HERC3: variants seen among roughly 807,000 people sequenced by gnomAD.
The protein encoded by HERC3 is probable E3 ubiquitin-protein ligase HERC3.
In HERC3, 58 loss-of-function variants were observed where a neutral mutation model predicts 129.9. That is an observed-to-expected ratio of 0.45 (90% CI 0.36 to 0.56). The LOEUF (loss-of-function observed/expected upper bound fraction) is 0.56, where lower values mean the gene tolerates loss of function less well. Among genes scored for constraint, HERC3 ranks in the 20% least tolerant of loss-of-function variants. The pLI is 0.00. For missense variants in HERC3, 835 were observed against 1,244.2 expected, an observed-to-expected ratio of 0.67 and a Z score of 4.95; for synonymous variants, 430 against 451.0, an observed-to-expected ratio of 0.95 and a Z score of 0.59.
intron 2 of HERC3, among the ~76,000 whole-genome samples, chr4:88,602,508 C>A (rs1451249793): frequency 6.6e-6 from 1 of 151,692 alleles, no homozygotes; most frequent in East Asian, 1.9e-4. Context: ...AGATGGGTCT[C>A]GCTCTATTAC....
At chr4:88,676,115 G>A (rs1202866401) in intron 16 of HERC3, 103 bp from the exon 17 acceptor site, 2 of 823,502 alleles carry the variant, frequency 2.4e-6, no homozygotes, top group Non-Finnish European at 3.9e-6. Flanking sequence ...ATGGCCAGTA[G>A]TCAGATTGGT....
intron 3 of HERC3, among the ~76,000 whole-genome samples, chr4:88,618,104 C>G (rs1725121984): frequency 1.3e-5 from 2 of 152,232 alleles, no homozygotes; most frequent in South Asian, 4.1e-4. Context: ...AGGCACAAAT[C>G]ATGTTCTCCT....
In HERC3 at chr4:88,655,880, A is replaced by T; in HGVS notation, c.914A>T (p.His305Leu). 1 of 1,611,368 alleles carries T rather than the reference A, an allele frequency of 6.2e-7. No individual in the cohort carries two copies. The highest frequency in any genetic ancestry group is 1.3e-5 in the African/African-American group (1 of 74,976). The change falls in exon 9 of 26, where the codon CAT becomes CTT. Residue 305 changes from histidine (H) to leucine (L), a missense_variant. His to Leu is a moderately conservative substitution (Grantham distance 99). Coordinates refer to ENST00000402738, the MANE Select transcript of HERC3 (RefSeq NM_014606.3). ...EVTQIACGRQ[H>L]TLAFVPSSGL... ...GTTAAATTATTTTTTCACAGACAACATACCCTAGCCTTCGTGCCTTCTTCT... is the reference window on the plus strand; with the variant it reads ...GTTAAATTATTTTTTCACAGACAACTTACCCTAGCCTTCGTGCCTTCTTCT...
intron 3 of HERC3, among the ~76,000 whole-genome samples, chr4:88,627,951 C>T (rs1056287137): frequency 3.3e-5 from 5 of 149,940 alleles, no homozygotes; most frequent in Non-Finnish European, 5.9e-5. Flanking sequence ...ATTTGTTTTA[C>T]GGCCCAGAAT....
chr4:88,529,847 AAGT>A, the HERC3 span, among the ~76,000 whole-genome samples: 1 of 152,242 alleles, frequency 6.6e-6, no homozygotes. Flanking sequence ...TTATTTAATA[AAGT>A]AGTTTTAAAA....
intron 3 of HERC3, among the ~76,000 whole-genome samples, chr4:88,642,674 A>G (rs998521340): frequency 6.6e-5 from 10 of 152,144 alleles, no homozygotes; most frequent in African/African-American, 9.7e-5. Flanking sequence ...CCAGCCCTCT[A>G]TGGTCTCTTT....
At chr4:88,697,962 C>T (rs1734841706) in intron 23 of HERC3, 7 of 652,444 alleles carry the variant, frequency 1.1e-5, no homozygotes, top group African/African-American at 1.8e-5. Context: ...GCACCAGATT[C>T]CTCCTGTTGC....
intron 2 of HERC3, among the ~76,000 whole-genome samples, chr4:88,599,171 C>G (rs1240952635): frequency 6.6e-6 from 1 of 152,144 alleles, no homozygotes; most frequent in East Asian, 1.9e-4. Context: ...TTTAGGGGTC[C>G]AACTGGAGTG....
intron 3 of HERC3, among the ~76,000 whole-genome samples, chr4:88,626,063 G>C (rs1189329652): frequency 1.3e-5 from 2 of 152,020 alleles, no homozygotes; most frequent in Non-Finnish European, 2.9e-5. Context: ...GTGCATCTCT[G>C]TTTATGAGGC....
At chr4:88,688,384 G>A (rs963816384) in intron 23 of HERC3, among the ~76,000 whole-genome samples, 5 of 152,100 alleles carry the variant, frequency 3.3e-5, no homozygotes, top group Admixed American at 3.3e-4. Flanking sequence ...GGGGTCCTGT[G>A]GAAATAGACC....
chr4:88,648,871 C>T (rs1252213783), intron 3 of HERC3, among the ~76,000 whole-genome samples: 1 of 150,898 alleles, frequency 6.6e-6, no homozygotes, highest in Non-Finnish European at 1.5e-5. Flanking sequence ...AAAATCTCTT[C>T]ATTTCTAACT....
chr4:88,700,403 T>C (rs1013590874), intron 23 of HERC3, among the ~76,000 whole-genome samples: 4 of 152,144 alleles, frequency 2.6e-5, no homozygotes, highest in Non-Finnish European at 4.4e-5. Context: ...TGTTTAGTGT[T>C]GCTAAAAAGG....
At chr4:88,649,415 T>TG (rs1729036155) in intron 3 of HERC3, among the ~76,000 whole-genome samples, 1 of 152,154 alleles carries the variant, frequency 6.6e-6, no homozygotes, top group South Asian at 2.1e-4. Flanking sequence ...TGTGTTTGTA[T>TG]GTGGGGGGAG....
rs779853304 is a variant in HERC3 at position 88,649,799 on chromosome 4, T to G, written c.227-41T>G. The G allele has an allele frequency of 7.6e-6, 12 of 1,585,452 alleles. No homozygotes were observed. The Admixed American group carries it at 1.7e-4, about 22-fold the overall frequency. On this transcript the variant is annotated intron_variant, in intron 3 of 25. Transcript: ENST00000402738. ...GTGTAATGGTAGCAGTATTCCTGTTTCTGGGTTGTACATTTTCCTCCTCCA... is the reference window on the plus strand; with the variant it reads ...GTGTAATGGTAGCAGTATTCCTGTTGCTGGGTTGTACATTTTCCTCCTCCA...
At chr4:88,605,481 A>G (rs1723526601) in intron 2 of HERC3, among the ~76,000 whole-genome samples, 2 of 152,246 alleles carry the variant, frequency 1.3e-5, no homozygotes, top group Admixed American at 1.3e-4. Context: ...TGGTTTGCCA[A>G]GATTGTTTCA....
At chr4:88,600,521 G>T (rs1722861922) in intron 2 of HERC3, among the ~76,000 whole-genome samples, 2 of 152,178 alleles carry the variant, frequency 1.3e-5, no homozygotes, top group Admixed American at 1.3e-4. Context: ...ACATTTTCTT[G>T]ACCCTGTGTA....
At chr4:88,617,408 A>G (rs757666388) in intron 3 of HERC3, among the ~76,000 whole-genome samples, 2 of 152,100 alleles carry the variant, frequency 1.3e-5, no homozygotes, top group African/African-American at 4.8e-5. Flanking sequence ...TTCCACTTCA[A>G]ATAGATTTGT....
At chr4:88,646,804 C>A (rs780415870) in intron 3 of HERC3, among the ~76,000 whole-genome samples, 1 of 152,162 alleles carries the variant, frequency 6.6e-6, no homozygotes, top group Non-Finnish European at 1.5e-5. Flanking sequence ...CTGAATTAGA[C>A]GAGCGCAGTT....
chr4:88,693,063 T>A, intron 23 of HERC3: 1 of 978,300 alleles, frequency 1.0e-6, no homozygotes, highest in Non-Finnish European at 1.2e-6. Flanking sequence ...ATATTTAAAA[T>A]GCTATTTCAG....
Sources: gnomAD v4.1 joint callset for allele counts (sites outside exome capture counted in the v4.1 genomes callset) on GRCh38, gnomAD v4.1.1 for gene constraint, MANE v1.5 for transcripts, NCBI Gene and HGNC (gene_info 2026-07-23, HGNC 2026-07-21) for gene names.